The following CRPPA variants were observed in gnomAD, a reference collection of about 807,000 sequenced individuals.
CRPPA encodes the protein D-ribitol-5-phosphate cytidylyltransferase.
Under a neutral mutation model 52.0 loss-of-function variants are expected in CRPPA, and 43 were observed. The observed-to-expected ratio is 0.83, with a 90% CI of 0.65 to 1.07. The LOEUF (loss-of-function observed/expected upper bound fraction) is 1.07. CRPPA is among the 50% of genes least tolerant of loss of function. CRPPA has a pLI of 0.00. For missense variants in CRPPA, 629 were observed against 551.7 expected (o/e 1.14, Z -1.40); for synonymous variants, 250 against 203.5 (o/e 1.23, Z -1.94).
In CRPPA at chr7:16,342,798, T is replaced by TATATAG. The variant is rs1491461185; in HGVS notation, c.684+33293_684+33294insCTATAT. 1.3e-3 allele frequency among the ~76,000 whole-genome samples: 136 copies of TATATAG among 101,226 alleles called. 15 individuals are homozygous for TATATAG. The highest frequency in any genetic ancestry group is 3.2e-3 in the East Asian group (13 of 4,126). 66.4% of individuals were successfully genotyped at this position (101,226 alleles called of 152,430 possible). A position where few individuals can be genotyped will look rare whatever the true frequency, so the allele number is the denominator to read the frequency against. ...AAAAAAAAAAATATATATATATATA[T>TATATAG]CTATATAGATATATAGATATACATA... On this transcript the variant is annotated intron_variant, in intron 3 of 9. Coordinates refer to ENST00000407010, the MANE Select transcript of CRPPA (RefSeq NM_001101426.4).
rs376375569 is a variant in CRPPA, at chr7:16,376,215, T to C, written c.561A>G (p.Val187=). ...CAGCAGATGGACTGACGACAGTAGA[T>C]ACAAGAGGTCGAATGGCTCCTGCTG... ...HGAAGAIRPL[V]STVVSPSADG... Residue 187 remains valine, a synonymous_variant, in exon 3 of 10, where the codon GTA becomes GTG. Coordinates refer to ENST00000407010, the MANE Select transcript of CRPPA (RefSeq NM_001101426.4). 4 of 1,610,592 alleles carry C rather than the reference T, an allele frequency of 2.5e-6. No individual in the cohort carries two copies. The highest frequency in any genetic ancestry group is 3.4e-5 in the Admixed American group (2 of 59,422).
intron 2 of CRPPA, among the ~76,000 whole-genome samples, chr7:16,384,013 C>T (rs1477912003): frequency 6.6e-6 from 1 of 152,166 alleles, no homozygotes; most frequent in Non-Finnish European, 1.5e-5. Flanking sequence ...TGTCCTGCGC[C>T]CACTGTCTGG....
intron 5 of CRPPA, among the ~76,000 whole-genome samples, chr7:16,288,984 A>C (rs549187125): frequency 3.9e-5 from 6 of 151,926 alleles, no homozygotes; most frequent in Non-Finnish European, 8.8e-5. Context: ...TAAACAAAAA[A>C]AAGAGCCACC....
At chr7:16,397,408 A>G (rs1355601761) in intron 2 of CRPPA, among the ~76,000 whole-genome samples, 3 of 152,212 alleles carry the variant, frequency 2.0e-5, no homozygotes, top group African/African-American at 7.2e-5. Flanking sequence ...ACTGACACGT[A>G]ATGGACACGT....
intron 9 of CRPPA, among the ~76,000 whole-genome samples, chr7:16,112,486 TAAAGAA>T (rs1782286525): frequency 1.3e-5 from 2 of 152,116 alleles, no homozygotes; most frequent in Admixed American, 6.6e-5. Flanking sequence ...CCTTCAAATT[TAAAGAA>T]AAAATTCAAT....
intron 9 of CRPPA, among the ~76,000 whole-genome samples, chr7:16,150,175 A>G (rs1215889995): frequency 6.6e-6 from 1 of 152,174 alleles, no homozygotes; most frequent in Non-Finnish European, 1.5e-5. Flanking sequence ...AAGATTTTAA[A>G]TGAGCAAAAT....
rs557746066 is a variant in CRPPA, at chr7:16,369,193, T to C, written c.684+6899A>G. The stretch of plus-strand genomic sequence containing the variant: ...TGCCTTAAAATCTGAGCTCCCCGAG[T>C]GCACAATTTCTGTTCATTTTAAGGG... On this transcript the variant is annotated intron_variant, in intron 3 of 9. Transcript: ENST00000407010. Among the ~76,000 whole-genome samples, 18 of 152,194 alleles carry C rather than the reference T, an allele frequency of 1.2e-4. No individual in the cohort carries two copies. The South Asian group carries it at 3.1e-3, about 26-fold the overall frequency.
chr7:16,142,401 C>G (rs1370924820), intron 9 of CRPPA, among the ~76,000 whole-genome samples: 1 of 152,186 alleles, frequency 6.6e-6, no homozygotes, highest in African/African-American at 2.4e-5. Flanking sequence ...TAATGTGAAA[C>G]AGTTTCCTCT....
chr7:16,357,674 C>G (rs1786336731), intron 3 of CRPPA, among the ~76,000 whole-genome samples: 1 of 152,166 alleles, frequency 6.6e-6, no homozygotes, highest in South Asian at 2.1e-4. Flanking sequence ...ATTCAGCATT[C>G]AGTCAAGAGT....
intron 4 of CRPPA, among the ~76,000 whole-genome samples, chr7:16,304,216 A>G (rs1784856042): frequency 6.6e-6 from 1 of 152,154 alleles, no homozygotes; most frequent in Non-Finnish European, 1.5e-5. Context: ...AAAGCATGAC[A>G]GCTGATCCCT....
intron 9 of CRPPA, among the ~76,000 whole-genome samples, chr7:16,149,461 T>C (rs2128378399): frequency 6.6e-6 from 1 of 152,332 alleles, no homozygotes; most frequent in African/African-American, 2.4e-5. Flanking sequence ...TTTCCTGCCA[T>C]GACCATTAAT....
chr7:16,226,607 A>G (rs1782657841), intron 8 of CRPPA, among the ~76,000 whole-genome samples: 2 of 151,932 alleles, frequency 1.3e-5, no homozygotes, highest in South Asian at 4.1e-4. Context: ...TCAGGTCATC[A>G]GTTTAGCTAT....
At chr7:16,381,255 A>T (rs1379647901) in intron 2 of CRPPA, among the ~76,000 whole-genome samples, 4 of 152,216 alleles carry the variant, frequency 2.6e-5, no homozygotes, top group African/African-American at 4.8e-5. Flanking sequence ...TGTATCCAGT[A>T]GTCATTCCGG....
chr7:16,127,662 T>C (rs940092317), intron 9 of CRPPA, among the ~76,000 whole-genome samples: 5 of 151,906 alleles, frequency 3.3e-5, no homozygotes, highest in African/African-American at 7.3e-5. Flanking sequence ...ACCCATAAAA[T>C]AGTCATAATG....
At chr7:16,208,089 A>C (rs1782016981) in intron 9 of CRPPA, among the ~76,000 whole-genome samples, 1 of 152,162 alleles carries the variant, frequency 6.6e-6, no homozygotes, top group Non-Finnish European at 1.5e-5. Flanking sequence ...ATTTTCTAGC[A>C]ATTATTTTGT....
intron 9 of CRPPA, among the ~76,000 whole-genome samples, chr7:16,182,519 T>G (rs1372409170): frequency 6.6e-6 from 1 of 152,050 alleles, no homozygotes; most frequent in Non-Finnish European, 1.5e-5. Context: ...AGTGAAGTAT[T>G]TCATAAATTA....
At chr7:16,356,902 T>G (rs113751337) in intron 3 of CRPPA, among the ~76,000 whole-genome samples, 3 of 152,336 alleles carry the variant, frequency 2.0e-5, no homozygotes, top group African/African-American at 7.2e-5. Context: ...CTGAAGGATG[T>G]TGAGTGTGTC....
chr7:16,251,692 A>G (rs1342117553), intron 8 of CRPPA, among the ~76,000 whole-genome samples: 1 of 152,234 alleles, frequency 6.6e-6, no homozygotes, highest in Non-Finnish European at 1.5e-5. Context: ...GAACCAAGAC[A>G]CAACATACCA....
At chr7:16,246,046 T>TA (rs1320717956) in intron 8 of CRPPA, among the ~76,000 whole-genome samples, 4 of 151,956 alleles carry the variant, frequency 2.6e-5, no homozygotes, top group Admixed American at 2.0e-4. Flanking sequence ...CTTCTTTTCA[T>TA]AAAAAAAATT....
Sources: gnomAD v4.1 joint callset for allele counts (sites outside exome capture counted in the v4.1 genomes callset) on GRCh38, gnomAD v4.1.1 for gene constraint, MANE v1.5 for transcripts, NCBI Gene and HGNC (gene_info 2026-07-23, HGNC 2026-07-21) for gene names.